ADCK1: variants seen among roughly 807,000 people sequenced by gnomAD.
ADCK1 encodes aarF domain containing kinase 1.
In ADCK1, 41 loss-of-function variants were observed where a neutral mutation model predicts 52.3. The observed-to-expected ratio is 0.78, with a 90% CI of 0.61 to 1.02. The LOEUF (loss-of-function observed/expected upper bound fraction) is 1.02. ADCK1 is among the 50% of genes least tolerant of loss of function. The pLI is 0.00. For missense variants in ADCK1, 658 were observed against 679.5 expected (o/e 0.97, Z 0.35); for synonymous variants, 250 against 274.6 (o/e 0.91, Z 0.89).
At chr14:77,899,403 G>A in intron 6 of ADCK1, 145 bp downstream of exon 6, 21 of 1,096,164 alleles carry the variant, frequency 1.9e-5, no homozygotes, top group South Asian at 3.2e-5. Flanking sequence ...TGACATCACT[G>A]GTGATGTGCA....
At chr14:77,891,573 AT>A in intron 5 of ADCK1, among the ~76,000 whole-genome samples, 1 of 152,228 alleles carries the variant, frequency 6.6e-6, no homozygotes, top group Non-Finnish European at 1.5e-5. Flanking sequence ...TGAGATAAGC[AT>A]CACATGCTTT....
intron 1 of ADCK1, among the ~76,000 whole-genome samples, chr14:77,807,062 A>C (rs1327474190): frequency 1.2e-5 from 1 of 82,282 alleles, no homozygotes. Context: ...TTTTGGAGAC[A>C]GAGTCTTTTT....
intron 9 of ADCK1, among the ~76,000 whole-genome samples, chr14:77,928,980 C>T (rs934731062): frequency 2.0e-5 from 3 of 152,086 alleles, no homozygotes; most frequent in Non-Finnish European, 4.4e-5. Flanking sequence ...GCAAAGACCC[C>T]GTCTTGTATA....
At chr14:77,807,355 AC>A (rs1304536296) in intron 1 of ADCK1, among the ~76,000 whole-genome samples, 1 of 151,632 alleles carries the variant, frequency 6.6e-6, no homozygotes, top group Non-Finnish European at 1.5e-5. Flanking sequence ...GGCGTGAGCC[AC>A]CGCGCCCGGC....
intron 1 of ADCK1, among the ~76,000 whole-genome samples, chr14:77,814,838 G>A (rs1160874226): frequency 4.0e-5 from 6 of 151,458 alleles, no homozygotes; most frequent in African/African-American, 1.2e-4. Context: ...GGCCCATGGG[G>A]TGGACTCTAG....
chr14:77,824,274 T>C (rs985546290), intron 3 of ADCK1, among the ~76,000 whole-genome samples: 10 of 152,116 alleles, frequency 6.6e-5, no homozygotes, highest in Admixed American at 6.6e-4. Flanking sequence ...GTAAATACTT[T>C]AGTATATACC....
At chr14:77,867,881 A>G (rs1237531668) in intron 4 of ADCK1, among the ~76,000 whole-genome samples, 1 of 152,230 alleles carries the variant, frequency 6.6e-6, no homozygotes, top group Non-Finnish European at 1.5e-5. Flanking sequence ...TCACATGAAT[A>G]GGGCTGTGGT....
Position 77,899,498 on chromosome 14 carries a change from A to G in ADCK1, c.741+240A>G, listed in dbSNP as rs188509403. ...CAATTAAACAGATGTTTATTGAATA[A>G]TCGACAACTACAAGACACTGAGCCT... is the stretch of plus-strand genomic sequence containing the variant. On this transcript the variant is annotated intron_variant, in intron 6 of 10. Transcript: ENST00000238561. Among the ~76,000 whole-genome samples, 189 of 152,352 alleles carry G rather than the reference A, an allele frequency of 1.2e-3. 1 individual carries two copies. The highest frequency in any genetic ancestry group is 2.2e-3 in the Non-Finnish European group (153 of 68,038).
intron 6 of ADCK1, among the ~76,000 whole-genome samples, chr14:77,905,933 C>G (rs1288715346): frequency 6.6e-6 from 1 of 152,196 alleles, no homozygotes; most frequent in Non-Finnish European, 1.5e-5. Context: ...ACAGATTTCT[C>G]TATTGGCCCA....
intron 7 of ADCK1, 111 bp from the exon 8 acceptor site, chr14:77,924,346 C>G: frequency 1.4e-6 from 2 of 1,421,974 alleles, no homozygotes; most frequent in Admixed American, 4.3e-5. Context: ...CTCCGGCCCA[C>G]CGATTTTCTC....
At chr14:77,827,092 G>A (rs1291496461) in intron 3 of ADCK1, among the ~76,000 whole-genome samples, 2 of 152,000 alleles carry the variant, frequency 1.3e-5, no homozygotes, top group Non-Finnish European at 2.9e-5. Flanking sequence ...GGTGGCTCAC[G>A]CCTGTAATCC....
chr14:77,891,134 G>T (rs2140218424), intron 5 of ADCK1, among the ~76,000 whole-genome samples: 1 of 152,280 alleles, frequency 6.6e-6, no homozygotes, highest in Non-Finnish European at 1.5e-5. Context: ...TCTGAAGTGG[G>T]AGGCAAGACC....
chr14:77,928,017 C>T (rs999510604), intron 9 of ADCK1, among the ~76,000 whole-genome samples: 3 of 152,084 alleles, frequency 2.0e-5, no homozygotes, highest in Non-Finnish European at 4.4e-5. Flanking sequence ...GAGCCTAGGC[C>T]GGGACTCCAG....
At chr14:77,861,385 T>C (rs2082543275) in intron 4 of ADCK1, among the ~76,000 whole-genome samples, 1 of 151,684 alleles carries the variant, frequency 6.6e-6, no homozygotes, top group South Asian at 2.1e-4. Context: ...AGCGGGGCCA[T>C]GTGGGAAGAA....
intron 7 of ADCK1, among the ~76,000 whole-genome samples, chr14:77,921,501 G>A (rs1311349081): frequency 6.6e-5 from 10 of 152,196 alleles, no homozygotes; most frequent in African/African-American, 1.7e-4. Flanking sequence ...CCACGTAGCC[G>A]CTAAGGGAAC....
At chr14:77,870,787 C>T (rs1208382815) in intron 4 of ADCK1, among the ~76,000 whole-genome samples, 2 of 152,180 alleles carry the variant, frequency 1.3e-5, no homozygotes, top group Non-Finnish European at 2.9e-5. Context: ...CTAGGACTGC[C>T]ACAGGGGTCA....
intron 1 of ADCK1, among the ~76,000 whole-genome samples, chr14:77,808,642 C>T (rs1397595299): frequency 6.6e-6 from 1 of 152,206 alleles, no homozygotes; most frequent in African/African-American, 2.4e-5. Context: ...ATGGCGTGAT[C>T]TCAGCTCACT....
chr14:77,887,577 T>G (rs1478025432), intron 5 of ADCK1, among the ~76,000 whole-genome samples: 3 of 152,204 alleles, frequency 2.0e-5, no homozygotes, highest in Non-Finnish European at 4.4e-5. Flanking sequence ...AAGGTGTGTT[T>G]TTTGTCTACC....
intron 3 of ADCK1, among the ~76,000 whole-genome samples, chr14:77,843,336 C>T (rs1179338985): frequency 6.6e-6 from 1 of 152,224 alleles, no homozygotes; most frequent in Admixed American, 6.5e-5. Context: ...GCATTCTGCT[C>T]GCGGCCTAAC....
Sources: gnomAD v4.1 joint callset for allele counts (sites outside exome capture counted in the v4.1 genomes callset) on GRCh38, gnomAD v4.1.1 for gene constraint, MANE v1.5 for transcripts, NCBI Gene and HGNC (gene_info 2026-07-23, HGNC 2026-07-21) for gene names.